Variants in DZIP1 observed in about 807,000 individuals in gnomAD.
DZIP1 encodes DAZ interacting zinc finger protein 1.
Under a neutral mutation model 107.6 loss-of-function variants are expected in DZIP1, and 97 were observed. The observed-to-expected ratio is 0.90, with a 90% CI of 0.77 to 1.07. The LOEUF (loss-of-function observed/expected upper bound fraction) is 1.07. Ranked by LOEUF, DZIP1 falls within the 50% of genes least tolerant of loss-of-function variation. DZIP1 has a pLI of 0.00. For missense variants in DZIP1, 1,035 were observed against 1,063.6 expected (o/e 0.97, Z 0.37); for synonymous variants, 390 against 386.4 (o/e 1.01, Z -0.11).
chr13:95,590,475 C>G, intron 16 of DZIP1, 34 bp from the exon 17 acceptor site: 1 of 1,572,184 alleles, frequency 6.4e-7, no homozygotes, highest in East Asian at 2.3e-5. Flanking sequence ...GGCCAGTTAT[C>G]CTGGGAGGTT....
intron 19 of DZIP1, among the ~76,000 whole-genome samples, chr13:95,588,771 C>CA: frequency 6.6e-6 from 1 of 152,108 alleles, no homozygotes; most frequent in African/African-American, 2.4e-5. Flanking sequence ...TTAACTTCCA[C>CA]AAAAAACTGG....
chr13:95,620,662 A>T (rs1875712750), intron 9 of DZIP1, among the ~76,000 whole-genome samples: 1 of 152,172 alleles, frequency 6.6e-6, no homozygotes, highest in South Asian at 2.1e-4. Flanking sequence ...ATGAACTAGC[A>T]CTCATAAAAT....
At chr13:95,617,797 G>A (rs1875315916) in intron 10 of DZIP1, among the ~76,000 whole-genome samples, 1 of 152,094 alleles carries the variant, frequency 6.6e-6, no homozygotes, top group South Asian at 2.1e-4. Flanking sequence ...TGGAATTGAG[G>A]AGACCCACCC....
rs34303958 is a variant in DZIP1 at position 95,589,191 on chromosome 13, T to A, written c.1990A>T (p.Met664Leu). 3.8e-3 allele frequency: 6,056 copies of A among 1,606,368 alleles called. 151 individuals carry two copies. The African/African-American group carries it at 0.063, about 17-fold the overall frequency. ...TSVPKIKKNV[M>L]EDPFPRKSST... ...GACTTTCTGGGAAAAGGATCTTCCA[T>A]GACATTTTTCTTAATTCTAAAAAAA... The change falls in exon 19 of 23, where the codon ATG becomes TTG. Residue 664 changes from methionine (M) to leucine (L), a missense_variant. Coordinates refer to ENST00000376829, the MANE Select transcript of DZIP1 (RefSeq NM_198968.4).
At chr13:95,616,160 G>T (rs1224371535) in intron 10 of DZIP1, among the ~76,000 whole-genome samples, 1 of 152,180 alleles carries the variant, frequency 6.6e-6, no homozygotes, top group Non-Finnish European at 1.5e-5. Flanking sequence ...CTGGGATCCT[G>T]CATCTTAGCT....
Position 95,642,187 on chromosome 13 carries a change from G to A in DZIP1, c.-158C>T, listed in dbSNP as rs189940943. 8.1e-6 allele frequency: 8 copies of A among 982,634 alleles called. No individual in the cohort carries two copies. The Admixed American group carries it at 3.1e-4, about 39-fold the overall frequency. 60.9% of individuals were successfully genotyped at this position (982,634 alleles called of 1,614,324 possible). On this transcript the variant is annotated 5_prime_UTR_variant, in exon 4 of 23. Coordinates refer to ENST00000376829, the MANE Select transcript of DZIP1 (RefSeq NM_198968.4). The stretch of plus-strand genomic sequence containing the variant: ...CGTTGCTATAGCAGCGCCCAGGTCC[G>A]GACCTGGAGCAAAGGGCGCGTCTGC...
At chr13:95,600,103 A>G (rs1003167748) in intron 14 of DZIP1, among the ~76,000 whole-genome samples, 2 of 152,176 alleles carry the variant, frequency 1.3e-5, no homozygotes, top group South Asian at 4.1e-4. Context: ...TTCCCAGAGA[A>G]ATGTTATATG....
chr13:95,620,980 A>G (rs570532059), intron 9 of DZIP1, among the ~76,000 whole-genome samples: 1 of 152,334 alleles, frequency 6.6e-6, no homozygotes, highest in Admixed American at 6.5e-5. Context: ...CTGGCAGGCT[A>G]AAAGAAGATA....
intron 5 of DZIP1, among the ~76,000 whole-genome samples, chr13:95,639,997 TA>T (rs1210391137): frequency 6.9e-5 from 8 of 115,160 alleles, no homozygotes; most frequent in Admixed American, 3.2e-4. Flanking sequence ...TATTTTTATT[TA>T]TTTTTTTTTT....
intron 5 of DZIP1, among the ~76,000 whole-genome samples, chr13:95,638,238 CG>C (rs1878062291): frequency 6.6e-6 from 1 of 151,732 alleles, no homozygotes; most frequent in South Asian, 2.1e-4. Context: ...TACAGGTATG[CG>C]CCACCACACC....
chr13:95,635,775 A>C (rs1877724643), intron 5 of DZIP1, among the ~76,000 whole-genome samples: 2 of 152,228 alleles, frequency 1.3e-5, no homozygotes, highest in African/African-American at 4.8e-5. Flanking sequence ...GAGACCATCC[A>C]GCCTTCAAAC....
chr13:95,608,871 TGCACATG>T (rs2044878509), intron 13 of DZIP1, among the ~76,000 whole-genome samples: 1 of 152,254 alleles, frequency 6.6e-6, no homozygotes, highest in African/African-American at 2.4e-5. Flanking sequence ...CAGATCCCTG[TGCACATG>T]GCACAGGTAC....
chr13:95,641,695 C>G lies in DZIP1; in HGVS notation c.197G>C (p.Ser66Thr). ...GGCGCTCAGCCGCCGCCAGTCCACA[C>G]TCTCCAGCCGCGGCCTGAACTGGAA... is the stretch of plus-strand genomic sequence containing the variant. ...PFFQFRPRLESVDWRRLSAID... is the reference protein window; with the variant it reads ...PFFQFRPRLETVDWRRLSAID... The change falls in exon 5 of 23, where the codon AGT (serine) becomes ACT (threonine). Residue 66 changes from serine (S) to threonine (T), a missense_variant. By Grantham distance (58) the Ser-to-Thr change is moderately conservative. Transcript: ENST00000376829. The surrounding 1 kb of genome is among the most constrained non-coding windows in gnomAD (Gnocchi z 4.3). The G allele has an allele frequency of 1.2e-6, 2 of 1,603,824 alleles. No homozygotes were observed. The highest frequency in any genetic ancestry group is 1.7e-6 in the Non-Finnish European group (2 of 1,179,772).
Position 95,640,527 on chromosome 13 carries a change from A to T in DZIP1, c.597+768T>A, listed in dbSNP as rs145146587. 1.7e-3 allele frequency among the ~76,000 whole-genome samples: 265 copies of T among 152,266 alleles called. 5 individuals are homozygous for T. In the East Asian group the frequency reaches 0.043, roughly 25 times the overall value. On this transcript the variant is annotated intron_variant, in intron 5 of 22. Transcript: ENST00000376829. The stretch of plus-strand genomic sequence containing the variant: ...TGTTGCTTACTTCAATATCTTTCTC[A>T]ATCATTGTTTATACCTTCTGCACTT...
chr13:95,621,234 A>C (rs1875804068), intron 9 of DZIP1, among the ~76,000 whole-genome samples: 1 of 152,214 alleles, frequency 6.6e-6, no homozygotes, highest in South Asian at 2.1e-4. Flanking sequence ...GAGGAAAAAG[A>C]CAGAAGGGCA....
At position 95,581,327 on chromosome 13, in the gene DZIP1, G is replaced by C. The variant is rs2044008377; in HGVS notation, c.*907C>G. On this transcript the variant is annotated 3_prime_UTR_variant, in exon 23 of 23. Coordinates refer to ENST00000376829, the MANE Select transcript of DZIP1 (RefSeq NM_198968.4). ...TTTGAGGTATTTCATAATACATGTTGGGTATTTTAAATAGTAAAAAAAAAC... is the reference window on the plus strand; with the variant it reads ...TTTGAGGTATTTCATAATACATGTTCGGTATTTTAAATAGTAAAAAAAAAC... 6.6e-6 allele frequency: 1 copy of C among 152,458 alleles called. No homozygotes were observed. Among genetic ancestry groups the C allele is most frequent in the Admixed American group, 6.6e-5 (1 of 15,256 alleles). 9.4% of individuals were successfully genotyped at this position (152,458 alleles called of 1,614,324 possible).
In DZIP1 at chr13:95,630,039, T is replaced by C; in HGVS notation, c.760A>G (p.Arg254Gly). The change falls in exon 7 of 23, where the codon AGG becomes GGG. Residue 254 changes from arginine to glycine, a missense_variant. Transcript: ENST00000376829. ...VVLKEELQLT[R>G]SELEAAHHAS... ...TGGTGTGCAGCCTCTAGCTCAGACCTGGTGAGCTGCAGCTCTTCCTTCAAT... is the reference window on the plus strand; with the variant it reads ...TGGTGTGCAGCCTCTAGCTCAGACCCGGTGAGCTGCAGCTCTTCCTTCAAT... 6.2e-7 allele frequency: 1 copy of C among 1,613,938 alleles called. No individual in the cohort carries two copies. The highest frequency in any genetic ancestry group is 8.5e-7 in the Non-Finnish European group (1 of 1,179,868).
At position 95,641,727 on chromosome 13, in the gene DZIP1, C is replaced by A; in HGVS notation, c.165G>T (p.Leu55=). The change falls in exon 5 of 23, where the codon CTG becomes CTT. Residue 55 remains leucine, a synonymous_variant. Transcript: ENST00000376829. The surrounding 1 kb of genome is among the most constrained non-coding windows in gnomAD (Gnocchi z 4.3). ...CAPPSAASGP[L]PFFQFRPRLE... ...GCCGCGGCCTGAACTGGAAGAAGGG[C>A]AGGGGCCCCGAAGCCGCGCTGGGGG... is the stretch of plus-strand genomic sequence containing the variant. 1 of 1,597,036 alleles carries A rather than the reference C, an allele frequency of 6.3e-7. No homozygotes were observed. The highest frequency in any genetic ancestry group is 1.1e-5 in the South Asian group (1 of 90,640).
intron 8 of DZIP1, among the ~76,000 whole-genome samples, chr13:95,622,758 T>C (rs1876049379): frequency 1.3e-5 from 2 of 151,740 alleles, no homozygotes; most frequent in Admixed American, 1.3e-4. Context: ...TTTTTTTTTT[T>C]TGGAGACAGG....
Sources: allele counts gnomAD v4.1 joint callset (sites outside exome capture counted in the v4.1 genomes callset), GRCh38; gene constraint gnomAD v4.1.1; non-coding constraint Gnocchi (gnomAD v3.1); transcripts MANE v1.5; gene names NCBI Gene and HGNC (gene_info 2026-07-23, HGNC 2026-07-21).